Variants in IL1RAPL2 observed in about 807,000 individuals in gnomAD.
IL1RAPL2 encodes the protein interleukin 1 receptor accessory protein like 2.
IL1RAPL2 carries 3 observed loss-of-function variants against 44.1 expected under a neutral mutation model. That is an observed-to-expected ratio of 0.07 (90% CI 0.03 to 0.18). IL1RAPL2 has a LOEUF of 0.18. Ranked by LOEUF, IL1RAPL2 falls within the 10% of genes least tolerant of loss-of-function variation. The pLI, the probability that IL1RAPL2 is intolerant of heterozygous loss-of-function variation, is 1.00. For synonymous variants in IL1RAPL2, 181 were observed against 178.8 expected, an observed-to-expected ratio of 1.01 and a Z score of -0.10; for missense variants, 391 against 496.4, an observed-to-expected ratio of 0.79 and a Z score of 2.02.
chrX:104,862,903 A>T (rs1922529203), intron 2 of IL1RAPL2, among the ~76,000 whole-genome samples: 2 of 111,320 alleles, frequency 1.8e-5, no homozygotes, highest in Admixed American at 9.6e-5. Flanking sequence ...TTATTCTAGG[A>T]GCATTGTGGA....
intron 5 of IL1RAPL2, among the ~76,000 whole-genome samples, chrX:105,285,613 C>T (rs2034565151): frequency 9.0e-6 from 1 of 111,534 alleles, no homozygotes; most frequent in Non-Finnish European, 1.9e-5. Flanking sequence ...TATGTGCCCC[C>T]AAAGACACAG....
intron 5 of IL1RAPL2, among the ~76,000 whole-genome samples, chrX:105,437,406 GT>G (rs1174362964): frequency 9.0e-6 from 1 of 110,925 alleles, no homozygotes; most frequent in Non-Finnish European, 1.9e-5. Flanking sequence ...GTAATAAAGA[GT>G]TTCAAAATAA....
intron 2 of IL1RAPL2, among the ~76,000 whole-genome samples, chrX:104,746,531 G>A (rs1639361547): frequency 1.8e-5 from 2 of 111,510 alleles, no homozygotes; most frequent in Admixed American, 1.9e-4. Context: ...TTAGAATAGT[G>A]ATCTGAGTGA....
At chrX:104,906,960 A>G (rs1399723000) in intron 2 of IL1RAPL2, among the ~76,000 whole-genome samples, 1 of 111,504 alleles carries the variant, frequency 9.0e-6, no homozygotes, top group Non-Finnish European at 1.9e-5. Flanking sequence ...TAAGCTATTG[A>G]TTATTGCCAC....
chrX:104,587,986 T>C (rs1928594599), intron 1 of IL1RAPL2, among the ~76,000 whole-genome samples: 1 of 111,499 alleles, frequency 9.0e-6, no homozygotes, highest in Non-Finnish European at 1.9e-5. Context: ...TGGAAAAATG[T>C]TTTATCTGAT....
intron 6 of IL1RAPL2, among the ~76,000 whole-genome samples, chrX:105,686,783 C>T (rs967526872): frequency 1.1e-4 from 12 of 111,811 alleles, no homozygotes; most frequent in African/African-American, 3.9e-4. Context: ...CTTTTCAGCA[C>T]CTCATTGCAC....
intron 5 of IL1RAPL2, among the ~76,000 whole-genome samples, chrX:105,340,957 G>A (rs747681030): frequency 9.0e-6 from 1 of 111,724 alleles, no homozygotes; most frequent in African/African-American, 3.2e-5. Context: ...CATATAGTAT[G>A]TATTCAATAA....
chrX:105,162,803 C>T (rs1300138161), intron 2 of IL1RAPL2, among the ~76,000 whole-genome samples: 2 of 111,382 alleles, frequency 1.8e-5, no homozygotes, highest in Non-Finnish European at 3.8e-5. Flanking sequence ...AAGATCAAGG[C>T]ACCAGCAGAT....
chrX:104,796,393 T>G lies in IL1RAPL2; in HGVS notation c.82+137398T>G, dbSNP rs749005569. 5.4e-5 allele frequency among the ~76,000 whole-genome samples: 6 copies of G among 111,918 alleles called. No homozygotes were observed. In the South Asian group the frequency reaches 2.3e-3, roughly 43 times the overall value. ...TAAGGAGACAATGGATATGAGACGC[T>G]ATGAGGAAAAAGTAGGTAATAATAC... On this transcript the variant is annotated intron_variant, in intron 2 of 10. Transcript: ENST00000372582.
In IL1RAPL2 at chrX:105,046,971, C is replaced by T. The variant is rs766631857; in HGVS notation, c.83-148504C>T. ...ACATGATTTTAAACCCCATTCTGCC[C>T]GCTCCCTTCACTCCTGAATATCTAG... On this transcript the variant is annotated intron_variant, in intron 2 of 10. Coordinates refer to ENST00000372582, the MANE Select transcript of IL1RAPL2 (RefSeq NM_017416.2). Among the ~76,000 whole-genome samples the T allele has an allele frequency of 1.9e-4, 21 of 109,539 alleles. No homozygotes were observed. In the Middle Eastern group the frequency reaches 0.014, roughly 74 times the overall value.
chrX:105,622,632 G>C (rs376025101), intron 6 of IL1RAPL2, among the ~76,000 whole-genome samples: 2 of 111,450 alleles, frequency 1.8e-5, no homozygotes, highest in South Asian at 3.7e-4. Flanking sequence ...AATGTGTCCA[G>C]TGACAGGAAC....
At chrX:105,502,496 T>G (rs2036402381) in intron 6 of IL1RAPL2, among the ~76,000 whole-genome samples, 1 of 111,515 alleles carries the variant, frequency 9.0e-6, no homozygotes, top group Non-Finnish European at 1.9e-5. Flanking sequence ...TGAGATCATC[T>G]GTGTGAAGGC....
At chrX:105,576,085 T>C (rs1040516334) in intron 6 of IL1RAPL2, among the ~76,000 whole-genome samples, 3 of 111,580 alleles carry the variant, frequency 2.7e-5, no homozygotes, top group African/African-American at 9.8e-5. Context: ...AGATCCATAG[T>C]TTGCAAATAT....
intron 2 of IL1RAPL2, among the ~76,000 whole-genome samples, chrX:104,877,120 A>T (rs1486163911): frequency 9.0e-6 from 1 of 110,917 alleles, no homozygotes; most frequent in Non-Finnish European, 1.9e-5. Flanking sequence ...TTCTTAATCC[A>T]GTCTATCATT....
chrX:105,224,314 G>A (rs1249309180), intron 3 of IL1RAPL2, among the ~76,000 whole-genome samples: 1 of 111,919 alleles, frequency 8.9e-6, no homozygotes, highest in African/African-American at 3.2e-5. Flanking sequence ...TACATAGGAT[G>A]AGGGTGAACA....
chrX:104,973,474 A>C (rs1260330281), intron 2 of IL1RAPL2, among the ~76,000 whole-genome samples: 1 of 111,892 alleles, frequency 8.9e-6, no homozygotes, highest in Admixed American at 9.5e-5. Context: ...ATCTGGCCAC[A>C]ATAATAGAAC....
chrX:105,723,869 C>T (rs1007175024), intron 7 of IL1RAPL2, among the ~76,000 whole-genome samples: 4 of 111,683 alleles, frequency 3.6e-5, no homozygotes, highest in African/African-American at 6.5e-5. Context: ...AATACTATCA[C>T]GATGGATATT....
chrX:105,156,854 C>T (rs1349185380), intron 2 of IL1RAPL2, among the ~76,000 whole-genome samples: 3 of 111,257 alleles, frequency 2.7e-5, no homozygotes, highest in South Asian at 3.8e-4. Context: ...TACAATTACA[C>T]GTTACCTTAA....
chrX:104,589,365 G>A (rs1346217027), intron 1 of IL1RAPL2, among the ~76,000 whole-genome samples: 2 of 112,218 alleles, frequency 1.8e-5, no homozygotes, highest in African/African-American at 6.5e-5. Context: ...GGGAGGCTAA[G>A]CCAGTCTATC....
Sources: allele counts gnomAD v4.1 joint callset (sites outside exome capture counted in the v4.1 genomes callset), GRCh38; gene constraint gnomAD v4.1.1; transcripts MANE v1.5; gene names NCBI Gene and HGNC (gene_info 2026-07-23, HGNC 2026-07-21).